Variants in CANX observed in about 807,000 individuals in gnomAD.
The protein encoded by CANX is epididymis secretory sperm binding protein.
In CANX, 14 loss-of-function variants were observed where a neutral mutation model predicts 75.7. The ratio of observed to expected loss-of-function variants is 0.19; its 90% CI spans 0.12 to 0.29. The LOEUF is 0.29. CANX is among the 10% of genes least tolerant of loss of function. The pLI is 1.00. For missense variants in CANX, 567 were observed against 713.2 expected, an observed-to-expected ratio of 0.79 and a Z score of 2.34; for synonymous variants, 227 against 236.9, an observed-to-expected ratio of 0.96 and a Z score of 0.38.
chr5:179,680,684 C>A (rs972811550), intron 1 of CANX, among the ~76,000 whole-genome samples: 2 of 152,146 alleles, frequency 1.3e-5, no homozygotes, highest in Non-Finnish European at 2.9e-5. Context: ...CTGCACCCCC[C>A]ACCCCTGCCC....
intron 8 of CANX, among the ~76,000 whole-genome samples, chr5:179,718,995 G>A (rs1778141804): frequency 6.7e-6 from 1 of 149,422 alleles, no homozygotes; most frequent in Admixed American, 6.7e-5. Flanking sequence ...ACTAGAGACT[G>A]GGTTTCACCT....
intron 1 of CANX, among the ~76,000 whole-genome samples, chr5:179,702,093 T>C (rs978269858): frequency 6.6e-6 from 1 of 152,026 alleles, no homozygotes; most frequent in Non-Finnish European, 1.5e-5. Context: ...TGGAGTGCAG[T>C]GGCGTGGTTA....
At chr5:179,679,282 C>G (rs1315555011) in intron 1 of CANX, 9 of 1,509,140 alleles carry the variant, frequency 6.0e-6, no homozygotes, top group Non-Finnish European at 7.9e-6. Context: ...GACAAGAGTC[C>G]GGGTGAGCAG....
Position 179,680,787 on chromosome 5 carries a change from A to C in CANX, c.-4+2010A>C. ...GGGCAGTGAGAAGAGAAAGAACTAGAGCAGGGTTCCCTCTGTTATGCCTTC... is the reference window on the plus strand; with the variant it reads ...GGGCAGTGAGAAGAGAAAGAACTAGCGCAGGGTTCCCTCTGTTATGCCTTC... On this transcript the variant is annotated intron_variant, in intron 1 of 14. Transcript: ENST00000681674. 4 of 1,051,098 alleles carry C rather than the reference A, an allele frequency of 3.8e-6. No homozygotes were observed. The South Asian group carries it at 5.5e-5, about 14-fold the overall frequency. The allele number at this position is 1,051,098 out of a possible 1,614,324, so 65.1% of individuals were successfully genotyped here. A position where few individuals can be genotyped will look rare whatever the true frequency, so the allele number is the denominator to read the frequency against.
intron 8 of CANX, 138 bp downstream of exon 8, chr5:179,716,432 A>ATC: frequency 1.6e-6 from 1 of 640,496 alleles, no homozygotes; most frequent in South Asian, 2.0e-5. Flanking sequence ...GGGAAAATAT[A>ATC]GAGTACTATA....
upstream of CANX, among the ~76,000 whole-genome samples, chr5:179,697,623 A>C (rs1488861989): frequency 1.3e-5 from 2 of 152,162 alleles, no homozygotes; most frequent in African/African-American, 2.4e-5. Context: ...TTTGGGGCTG[A>C]AGTTGGGGCG....
chr5:179,710,855 C>T (rs1384420993), intron 7 of CANX, among the ~76,000 whole-genome samples: 1 of 151,586 alleles, frequency 6.6e-6, no homozygotes, highest in African/African-American at 2.4e-5. Context: ...GCATTCGAGA[C>T]TAGCATGGCC....
At chr5:179,693,502 G>A (rs998735857), upstream of CANX, among the ~76,000 whole-genome samples, 1 of 151,388 alleles carries the variant, frequency 6.6e-6, no homozygotes. Flanking sequence ...GGCGAAACCC[G>A]ATCTCTACTA....
chr5:179,719,648 CT>C lies in CANX; in HGVS notation c.912-15del. 7.0e-7 allele frequency: 1 copy of C among 1,433,738 alleles called. No individual in the cohort carries two copies. The highest frequency in any genetic ancestry group is 9.8e-7 in the Non-Finnish European group (1 of 1,019,868). The allele number at this position is 1,433,738 out of a possible 1,614,324, so 88.8% of individuals were successfully genotyped here. On this transcript the variant is annotated intron_variant, in intron 8 of 14. Transcript: ENST00000247461. ...CTGTGACCAGTGTTGTCATAACTGG[CT>C]TTTTCTTTTGTATTTAAGGGATGAA...
intron 12 of CANX, 63 bp from the exon 13 acceptor site, chr5:179,724,594 C>A: frequency 7.0e-7 from 1 of 1,432,920 alleles, no homozygotes; most frequent in Non-Finnish European, 9.8e-7. Flanking sequence ...TGTAGGCATT[C>A]AGGAATTATA....
At chr5:179,723,812 G>C in intron 12 of CANX, 33 bp downstream of exon 12, 2 of 1,561,824 alleles carry the variant, frequency 1.3e-6, no homozygotes, top group Middle Eastern at 1.7e-4. Context: ...ATCAATTTTA[G>C]AGACATCACT....
chr5:179,684,914 G>A (rs1183588358), intron 1 of CANX, among the ~76,000 whole-genome samples: 1 of 121,622 alleles, frequency 8.2e-6, no homozygotes, highest in Non-Finnish European at 1.6e-5. Flanking sequence ...CACCACACCT[G>A]GCTAATTTTG....
At chr5:179,720,044 T>C (rs1433063695) in intron 9 of CANX, among the ~76,000 whole-genome samples, 1 of 152,024 alleles carries the variant, frequency 6.6e-6, no homozygotes, top group African/African-American at 2.4e-5. Context: ...TTGGCCAGGC[T>C]GGTCTCAAAG....
chr5:179,682,617 G>A (rs1354421447), intron 1 of CANX, among the ~76,000 whole-genome samples: 1 of 151,250 alleles, frequency 6.6e-6, no homozygotes, highest in East Asian at 1.9e-4. Context: ...GGCTGAGGCA[G>A]GAGAATCGCT....
chr5:179,726,307 G>A (rs1248766362), intron 13 of CANX, among the ~76,000 whole-genome samples: 2 of 151,736 alleles, frequency 1.3e-5, no homozygotes, highest in South Asian at 2.1e-4. Flanking sequence ...GGCCGGGCGC[G>A]ATGGCTCACG....
intron 10 of CANX, 52 bp from the exon 11 acceptor site, chr5:179,722,752 A>C: frequency 2.3e-6 from 3 of 1,300,384 alleles, no homozygotes; most frequent in Non-Finnish European, 3.3e-6. Context: ...TTCACCATAA[A>C]CTTTTGTTGA....
chr5:179,707,282 A>G, intron 4 of CANX, 92 bp downstream of exon 4: 2 of 805,426 alleles, frequency 2.5e-6, no homozygotes, highest in South Asian at 1.4e-5. Context: ...AAAAGGACAT[A>G]GTAGGCTTTA....
At chr5:179,690,942 T>C (rs1318989924) in intron 1 of CANX, among the ~76,000 whole-genome samples, 3 of 152,176 alleles carry the variant, frequency 2.0e-5, no homozygotes, top group Non-Finnish European at 4.4e-5. Context: ...GTTTGTATTA[T>C]AGGTAAAATT....
At chr5:179,720,296 G>C in intron 9 of CANX, 108 bp from the exon 10 acceptor site, 1 of 693,898 alleles carries the variant, frequency 1.4e-6, no homozygotes, top group Non-Finnish European at 2.5e-6. Flanking sequence ...GCTGGTCTGG[G>C]ATACTGTGAA....
Sources: gnomAD v4.1 joint callset for allele counts (sites outside exome capture counted in the v4.1 genomes callset) on GRCh38, gnomAD v4.1.1 for gene constraint, MANE v1.5 for transcripts, NCBI Gene and HGNC (gene_info 2026-07-23, HGNC 2026-07-21) for gene names.